Variants in ASPM observed in about 807,000 individuals in gnomAD.
ASPM encodes abnormal spindle-like microcephaly-associated protein.
In ASPM, 256 loss-of-function variants were observed where a neutral mutation model predicts 366.4. The observed-to-expected ratio is 0.70, with a 90% CI of 0.63 to 0.77. ASPM has a LOEUF of 0.77. Ranked by LOEUF, ASPM falls within the 30% of genes least tolerant of loss-of-function variation. The pLI, the probability that ASPM is intolerant of heterozygous loss-of-function variation, is 0.00. For synonymous variants in ASPM, 1,414 were observed against 1,342.9 expected (o/e 1.05, Z -1.16); for missense variants, 4,146 against 4,090.4 (o/e 1.01, Z -0.37).
Position 197,117,797 on chromosome 1 carries a change from G to GT in ASPM, c.4056dup (p.Leu1353ThrfsTer12). On this transcript the variant is annotated frameshift_variant, in exon 17 of 28. Coordinates refer to ENST00000367409, the MANE Select transcript of ASPM (RefSeq NM_018136.5). LOFTEE classifies it high-confidence loss of function. ...AGTCCAGGATACTATACCTGAATAA[G>GT]TGATGCTGCTTTATTTTGAACTTTT... 1 of 1,611,778 alleles carries GT rather than the reference G, an allele frequency of 6.2e-7. No homozygotes were observed. The highest frequency in any genetic ancestry group is 8.5e-7 in the Non-Finnish European group (1 of 1,178,972).
rs1015848017 is a variant in ASPM at position 197,133,589 on chromosome 1, G to A, written c.2180C>T (p.Ala727Val). The A allele has an allele frequency of 1.6e-5, 26 of 1,612,484 alleles. No homozygotes were observed. The highest frequency in any genetic ancestry group is 2.7e-5 in the African/African-American group (2 of 74,886). Residue 727 changes from alanine to valine, a missense_variant, in exon 6 of 28, where the codon GCT becomes GTT. By Grantham distance (64) the Ala-to-Val change is moderately conservative. Transcript: ENST00000367409. ...CTCTATTCCCAAAAGAAGAGTAGCA[G>A]CATTTACTGGGTAAAAACAAAAGAA... ...TVKTNISEVN[A>V]ATLLLGIENQ...
Position 197,144,023 on chromosome 1 carries a change from A to T in ASPM, c.375T>A (p.Leu125=), listed in dbSNP as rs758761372. ...EGRVREIMTF[L]VNDVLKHQAI... is the part of the protein sequence containing the mutation. ...CTTGGTGTTTCAGAACATCATTTAC[A>T]AGAAATGTCATAATCTCTCTTACTC... Residue 125 remains leucine, a synonymous_variant, in exon 2 of 28, where the codon CTT becomes CTA. Coordinates refer to ENST00000367409, the MANE Select transcript of ASPM (RefSeq NM_018136.5). 2 of 1,610,648 alleles carry T rather than the reference A, an allele frequency of 1.2e-6. No individual in the cohort carries two copies. The highest frequency in any genetic ancestry group is 1.7e-6 in the Non-Finnish European group (2 of 1,177,054).
At chr1:197,109,676 C>T (rs963278947) in intron 17 of ASPM, among the ~76,000 whole-genome samples, 2 of 151,840 alleles carry the variant, frequency 1.3e-5, no homozygotes, top group African/African-American at 4.8e-5. Flanking sequence ...GCAGACAACA[C>T]GACTATGTAG....
intron 7 of ASPM, among the ~76,000 whole-genome samples, chr1:197,131,557 C>CT (rs201682917): frequency 0.18 from 26,192 of 144,354 alleles, 3,675 homozygotes; most frequent in East Asian, 0.69. Flanking sequence ...GGGCAAGTCA[C>CT]TTTTTTTTTT....
chr1:197,110,603 A>T (rs772953187), intron 17 of ASPM, among the ~76,000 whole-genome samples: 4 of 152,092 alleles, frequency 2.6e-5, no homozygotes, highest in Non-Finnish European at 5.9e-5. Context: ...GATTGGGAGA[A>T]ATTGTGTGAA....
chr1:197,142,567 ACCT>A lies in ASPM; in HGVS notation c.1682_1684del (p.Glu561del). ...TGAAGCTGTTGTCGAAGAGGGTGTT[ACCT>A]CGTTTTTATAACTCTTAGATTTACT... is the stretch of plus-strand genomic sequence containing the variant. On this transcript the variant is annotated inframe_deletion, in exon 3 of 28. Coordinates refer to ENST00000367409, the MANE Select transcript of ASPM (RefSeq NM_018136.5). 6.2e-7 allele frequency: 1 copy of A among 1,613,962 alleles called. No individual in the cohort carries two copies. The highest frequency in any genetic ancestry group is 8.5e-7 in the Non-Finnish European group (1 of 1,179,844).
chr1:197,118,355 TATG>T (rs1291758811), intron 16 of ASPM, among the ~76,000 whole-genome samples: 1 of 151,950 alleles, frequency 6.6e-6, no homozygotes, highest in Non-Finnish European at 1.5e-5. Context: ...GGGAGGATTG[TATG>T]AAAAAAAGAA....
chr1:197,136,656 T>A (rs1302325377), intron 4 of ASPM, among the ~76,000 whole-genome samples: 2 of 151,896 alleles, frequency 1.3e-5, no homozygotes, highest in East Asian at 3.9e-4. Flanking sequence ...GAAATGAGAA[T>A]AGAAACAAAA....
In ASPM at chr1:197,133,210, A is replaced by T. The variant is rs1483658431; in HGVS notation, c.2419+140T>A. 6 of 799,510 alleles carry T rather than the reference A, an allele frequency of 7.5e-6. No individual in the cohort carries two copies. In the East Asian group the frequency reaches 1.1e-4, roughly 15 times the overall value. The allele number at this position is 799,510 out of a possible 1,614,324, so 49.5% of individuals were successfully genotyped here. On this transcript the variant is annotated intron_variant, in intron 6 of 27. Transcript: ENST00000367409. ...TATAATCATTTAATAATATATACAT[A>T]TATCAACATCATGTTGTATACCTTA...
At chr1:197,117,293 G>T (rs950193678) in intron 17 of ASPM, among the ~76,000 whole-genome samples, 20 of 151,884 alleles carry the variant, frequency 1.3e-4, no homozygotes, top group Admixed American at 1.0e-3. Context: ...TAGATGTAAA[G>T]ACTATATTAA....
intron 13 of ASPM, among the ~76,000 whole-genome samples, 181 bp downstream of exon 13, chr1:197,123,929 C>G (rs1657995742): frequency 1.3e-5 from 2 of 152,012 alleles, no homozygotes; most frequent in Admixed American, 1.3e-4. Flanking sequence ...ATGTATCACA[C>G]AATTGGTGAT....
intron 10 of ASPM, among the ~76,000 whole-genome samples, chr1:197,126,976 T>G (rs1305208470): frequency 6.6e-6 from 1 of 152,188 alleles, no homozygotes; most frequent in Non-Finnish European, 1.5e-5. Flanking sequence ...CTTCCTGAAA[T>G]TTTCATTGTT....
chr1:197,101,587 TTG>T lies in ASPM; in HGVS notation c.7662_7663del (p.His2554GlnfsTer14). 3.1e-6 allele frequency: 5 copies of T among 1,609,996 alleles called. No individual in the cohort carries two copies. The highest frequency in any genetic ancestry group is 4.2e-6 in the Non-Finnish European group (5 of 1,178,880). On this transcript the variant is annotated frameshift_variant, in exon 18 of 28. Transcript: ENST00000367409. LOFTEE classifies it high-confidence loss of function. ...GGTGCTTTGTATTACGATAGAAGCT[TTG>T]TGTTTTTCCCTTAAAAGTTGTCTTG...
At chr1:197,096,430 T>G (rs982988644) in intron 18 of ASPM, among the ~76,000 whole-genome samples, 5 of 151,770 alleles carry the variant, frequency 3.3e-5, no homozygotes, top group Admixed American at 6.6e-5. Context: ...TAACCAGTAT[T>G]TATAAATTGT....
At position 197,138,744 on chromosome 1, in the gene ASPM, A is replaced by G. The variant is rs976238615; in HGVS notation, c.2026+1023T>C. ...GCTCTCAAACAGAAAATTAAGAGAAACGATTATTTCTTACGATGTTTGTCT... is the reference window on the plus strand; with the variant it reads ...GCTCTCAAACAGAAAATTAAGAGAAGCGATTATTTCTTACGATGTTTGTCT... On this transcript the variant is annotated intron_variant, in intron 4 of 27. Transcript: ENST00000367409. 1.7e-5 allele frequency: 12 copies of G among 710,314 alleles called. No homozygotes were observed. The African/African-American group carries it at 1.9e-4, about 12-fold the overall frequency. 44.0% of individuals were successfully genotyped at this position (710,314 alleles called of 1,614,324 possible). A position where few individuals can be genotyped will look rare whatever the true frequency, so the allele number is the denominator to read the frequency against.
Position 197,146,460 on chromosome 1 carries a change from G to A in ASPM, c.-23C>T. ...CATGGCAGATTCGAGACCCCTCCTG[G>A]ATCTCCTTGCCCCGCTCCCACGAGG... On this transcript the variant is annotated 5_prime_UTR_variant, in exon 1 of 28. Coordinates refer to ENST00000367409, the MANE Select transcript of ASPM (RefSeq NM_018136.5). 1 of 1,601,870 alleles carries A rather than the reference G, an allele frequency of 6.2e-7. No individual in the cohort carries two copies. Among genetic ancestry groups the A allele is most frequent in the East Asian group, 2.2e-5 (1 of 44,794 alleles).
Position 197,143,785 on chromosome 1 carries a change from T to C in ASPM, c.467A>G (p.Lys156Arg). 1.2e-6 allele frequency: 2 copies of C among 1,611,960 alleles called. No homozygotes were observed. The highest frequency in any genetic ancestry group is 1.7e-6 in the Non-Finnish European group (2 of 1,179,446). The change falls in exon 3 of 28, where the codon AAG (lysine) becomes AGG (arginine). Residue 156 changes from lysine to arginine, a missense_variant. By Grantham distance (26) the Lys-to-Arg change is conservative (BLOSUM62 2). Coordinates refer to ENST00000367409, the MANE Select transcript of ASPM (RefSeq NM_018136.5). ...KKRSLWDTIK[K>R]KKISASTSHN... ...ACTTGTAGAGGCTGAAATTTTCTTCTTTTTAATGGTATCCCAAAGACTCCT... is the reference window on the plus strand; with the variant it reads ...ACTTGTAGAGGCTGAAATTTTCTTCCTTTTAATGGTATCCCAAAGACTCCT...
chr1:197,121,110 AG>A (rs1657894484), intron 16 of ASPM, among the ~76,000 whole-genome samples: 1 of 152,182 alleles, frequency 6.6e-6, no homozygotes, highest in Non-Finnish European at 1.5e-5. Context: ...AAATTTTACC[AG>A]GCATGGATGC....
In ASPM at chr1:197,102,889, G is replaced by T. The variant is rs1657245598; in HGVS notation, c.6362C>A (p.Thr2121Asn). 1 of 1,612,460 alleles carries T rather than the reference G, an allele frequency of 6.2e-7. No homozygotes were observed. The highest frequency in any genetic ancestry group is 8.5e-7 in the Non-Finnish European group (1 of 1,179,246). Residue 2121 changes from threonine to asparagine, a missense_variant, in exon 18 of 28, where the codon ACT (threonine) becomes AAT (asparagine). By Grantham distance (65) the Thr-to-Asn change is moderately conservative (BLOSUM62 0). Coordinates refer to ENST00000367409, the MANE Select transcript of ASPM (RefSeq NM_018136.5). ...RHIQHMHRAA[T>N]FIKAMFKMHQ... is the part of the protein sequence containing the mutation. Reference sequence around the variant, plus strand: ...CATTTTAAACATGGCTTTAATAAAAGTGGCTGCCCTGTGCATGTGTTGAAT... The same window carrying T: ...CATTTTAAACATGGCTTTAATAAAATTGGCTGCCCTGTGCATGTGTTGAAT...
Sources: gnomAD v4.1 joint callset for allele counts (sites outside exome capture counted in the v4.1 genomes callset) on GRCh38, gnomAD v4.1.1 for gene constraint, MANE v1.5 for transcripts, NCBI Gene and HGNC (gene_info 2026-07-23, HGNC 2026-07-21) for gene names.